The following EMX1 variants were observed in gnomAD, a reference collection of about 807,000 sequenced individuals.
EMX1 encodes homeobox protein EMX1.
Under a neutral mutation model 20.1 loss-of-function variants are expected in EMX1, and 10 were observed. The observed-to-expected ratio is 0.50, with a 90% CI of 0.31 to 0.84. The LOEUF is 0.84. Ranked by LOEUF, EMX1 falls within the 40% of genes least tolerant of loss-of-function variation. EMX1 has a pLI of 0.05. For missense variants in EMX1, 424 were observed against 431.9 expected (o/e 0.98, Z 0.16); for synonymous variants, 250 against 200.4 (o/e 1.25, Z -2.09).
chr2:72,925,690 C>CTTTA, intron 2 of EMX1: 1 of 1,172,744 alleles, frequency 8.5e-7, no homozygotes, highest in Non-Finnish European at 1.1e-6. Context: ...CGGAGCCTCC[C>CTTTA]TTTAGCAGCC....
At chr2:72,927,041 A>C (rs1671217320) in intron 2 of EMX1, among the ~76,000 whole-genome samples, 2 of 151,908 alleles carry the variant, frequency 1.3e-5, no homozygotes, top group Non-Finnish European at 2.9e-5. Flanking sequence ...AGAGCTCTCT[A>C]ATCTGTCCCA....
At chr2:72,922,268 A>G (rs1040043538) in intron 1 of EMX1, among the ~76,000 whole-genome samples, 3 of 152,180 alleles carry the variant, frequency 2.0e-5, no homozygotes, top group Non-Finnish European at 2.9e-5. Context: ...AACAAGAAGC[A>G]TTTGCTTTCC....
In EMX1 at chr2:72,918,330, C is replaced by T. The variant is rs769825388; in HGVS notation, c.478C>T (p.Pro160Ser). 15 of 1,545,778 alleles carry T rather than the reference C, an allele frequency of 9.7e-6. No individual in the cohort carries two copies. Among genetic ancestry groups the T allele is most frequent in the South Asian group, 4.7e-5 (4 of 84,426 alleles). Residue 160 changes from proline to serine, a missense_variant, in exon 1 of 3, where the codon CCC becomes TCC. Around this residue, in one of 2 missense-constraint regions of EMX1, gnomAD observed 333 missense variants for 296.6 expected, o/e 1.12. Transcript: ENST00000258106. ...GCACCGGGACCCTCTCCATTTCTACCCCTGGGTCCTGCGGAACCGCTTCTT... is the reference window on the plus strand; with the variant it reads ...GCACCGGGACCCTCTCCATTTCTACTCCTGGGTCCTGCGGAACCGCTTCTT... Reference protein sequence around the residue: ...AQHRDPLHFYPWVLRNRFFGH... With the variant: ...AQHRDPLHFYSWVLRNRFFGH...
intron 2 of EMX1, chr2:72,925,563 T>G (rs1054181762): frequency 7.5e-5 from 97 of 1,287,186 alleles, no homozygotes; most frequent in Non-Finnish European, 8.1e-5. Flanking sequence ...GTCTCCCAGC[T>G]ACCTCCCGGC....
At position 72,918,313 on chromosome 2, in the gene EMX1, A is replaced by G; in HGVS notation, c.461A>G (p.Asp154Gly). The change falls in exon 1 of 3, where the codon GAC becomes GGC. Residue 154 changes from aspartate (D) to glycine (G), a missense_variant. Coordinates refer to ENST00000258106, the MANE Select transcript of EMX1 (RefSeq NM_004097.3). ...TCCTTCTTCGGCGCCCAGCACCGGG[A>G]CCCTCTCCATTTCTACCCCTGGGTC... is the stretch of plus-strand genomic sequence containing the variant. ...PHSFFGAQHRDPLHFYPWVLR... is the reference protein window; with the variant it reads ...PHSFFGAQHRGPLHFYPWVLR... The G allele has an allele frequency of 1.3e-6, 2 of 1,567,288 alleles. No individual in the cohort carries two copies. The highest frequency in any genetic ancestry group is 1.7e-4 in the Middle Eastern group (1 of 5,966).
At chr2:72,917,116 A>G (rs1670977589), upstream of EMX1, 1 of 618,224 alleles carries the variant, frequency 1.6e-6, no homozygotes, top group African/African-American at 1.9e-5. Context: ...GTTTTCGGGA[A>G]AACCAATGTG....
At chr2:72,924,239 G>A in intron 1 of EMX1, 70 bp from the exon 2 acceptor site, 1 of 1,529,590 alleles carries the variant, frequency 6.5e-7, no homozygotes, top group South Asian at 1.2e-5. Context: ...GGCTCTGTTG[G>A]GCCCCGGCTC....
chr2:72,926,073 A>T (rs1671195601), intron 2 of EMX1: 1 of 983,592 alleles, frequency 1.0e-6, no homozygotes, highest in Non-Finnish European at 1.2e-6. Flanking sequence ...TTTATAATTA[A>T]CTTCATTTAA....
At chr2:72,920,334 G>C (rs1413592657) in intron 1 of EMX1, among the ~76,000 whole-genome samples, 1 of 152,232 alleles carries the variant, frequency 6.6e-6, no homozygotes, top group Non-Finnish European at 1.5e-5. Flanking sequence ...CAAACAGTTG[G>C]ATTTTTCCCT....
At position 72,934,192 on chromosome 2, in the gene EMX1, C is replaced by T; in HGVS notation, c.*238C>T. 1 of 535,792 alleles carries T rather than the reference C, an allele frequency of 1.9e-6. No individual in the cohort carries two copies. Among genetic ancestry groups the T allele is most frequent in the East Asian group, 3.1e-5 (1 of 31,816 alleles). The allele number at this position is 535,792 out of a possible 1,614,324, so 33.2% of individuals were successfully genotyped here. A position where few individuals can be genotyped will look rare whatever the true frequency, so the allele number is the denominator to read the frequency against. On this transcript the variant is annotated 3_prime_UTR_variant, in exon 3 of 3. Transcript: ENST00000258106. ...GAGCCTGCCTGCCTGGGCGGGCCCG[C>T]CCGCCACCGCAGCCTCCCAGCTGCT...
chr2:72,925,776 C>G (rs1671190961), intron 2 of EMX1: 8 of 985,438 alleles, frequency 8.1e-6, no homozygotes, highest in Non-Finnish European at 9.6e-6. Flanking sequence ...ACCTTACCCT[C>G]TCCTCCTTCA....
At chr2:72,932,638 G>A (rs908203285) in intron 2 of EMX1, among the ~76,000 whole-genome samples, 9 of 152,204 alleles carry the variant, frequency 5.9e-5, no homozygotes, top group Non-Finnish European at 1.0e-4. Context: ...CCTGGACACT[G>A]AACAGATGCT....
At chr2:72,918,764 C>G (rs564704917) in intron 1 of EMX1, among the ~76,000 whole-genome samples, 1 of 152,354 alleles carries the variant, frequency 6.6e-6, no homozygotes, top group Non-Finnish European at 1.5e-5. Flanking sequence ...ACGCTTCTCT[C>G]GCAAGTCCAC....
rs372502054 is a variant in EMX1, at chr2:72,924,400, G to A, written c.612G>A (p.Leu204=). ...RIRTAFSPSQ[L]LRLERAFEKN... is the part of the protein sequence containing the mutation. ...GCACGGCCTTCTCGCCCTCGCAGCT[G>A]CTGCGGCTGGAGCGCGCCTTCGAGA... The change falls in exon 2 of 3, where the codon CTG becomes CTA. Residue 204 remains leucine, a synonymous_variant. Transcript: ENST00000258106. The A allele has an allele frequency of 3.8e-6, 6 of 1,593,346 alleles. No individual in the cohort carries two copies. In the South Asian group the frequency reaches 5.6e-5, roughly 15 times the overall value.
At position 72,918,231 on chromosome 2, in the gene EMX1, G is replaced by C; in HGVS notation, c.379G>C (p.Ala127Pro). The C allele has an allele frequency of 6.3e-7, 1 of 1,580,850 alleles. No individual in the cohort carries two copies. Among genetic ancestry groups the C allele is most frequent in the Non-Finnish European group, 8.5e-7 (1 of 1,173,670 alleles). The change falls in exon 1 of 3, where the codon GCG (alanine) becomes CCG (proline). Residue 127 changes from alanine (A) to proline (P), a missense_variant. Ala to Pro is a conservative substitution (Grantham distance 27). Coordinates refer to ENST00000258106, the MANE Select transcript of EMX1 (RefSeq NM_004097.3). ...GTTCCCCGAGGCCATGAACCACCCCGCGCTGACCGTGCATCCGGCGCACCA... is the reference window on the plus strand; with the variant it reads ...GTTCCCCGAGGCCATGAACCACCCCCCGCTGACCGTGCATCCGGCGCACCA... ...LVFPEAMNHP[A>P]LTVHPAHQLG...
intron 2 of EMX1, among the ~76,000 whole-genome samples, chr2:72,931,833 T>C (rs1671290575): frequency 6.6e-6 from 1 of 152,168 alleles, no homozygotes; most frequent in South Asian, 2.1e-4. Context: ...GCTGCCCCCA[T>C]CCCCATGCCA....
In EMX1 at chr2:72,918,061, C is replaced by T. The variant is rs1030312935; in HGVS notation, c.209C>T (p.Ala70Val). 2.1e-6 allele frequency: 3 copies of T among 1,415,088 alleles called. No individual in the cohort carries two copies. The highest frequency in any genetic ancestry group is 2.7e-6 in the Non-Finnish European group (3 of 1,094,366). 87.7% of individuals were successfully genotyped at this position (1,415,088 alleles called of 1,614,324 possible). A position where few individuals can be genotyped will look rare whatever the true frequency, so the allele number is the denominator to read the frequency against. The change falls in exon 1 of 3, where the codon GCG (alanine) becomes GTG (valine). Residue 70 changes from alanine to valine, a missense_variant. Ala to Val is a moderately conservative substitution (Grantham distance 64, BLOSUM62 0). Around this residue, in one of 2 missense-constraint regions of EMX1, gnomAD observed 333 missense variants for 296.6 expected, o/e 1.12. Transcript: ENST00000258106. ...GGGGGCGCGGGCTCCCATCTCCTGGCGGCGGCCGCCTCCGAGGAACCGCTC... is the reference window on the plus strand; with the variant it reads ...GGGGGCGCGGGCTCCCATCTCCTGGTGGCGGCCGCCTCCGAGGAACCGCTC... ...GGGGAGSHLLAAAASEEPLRP... is the reference protein window; with the variant it reads ...GGGGAGSHLLVAAASEEPLRP...
Position 72,930,246 on chromosome 2 carries a change from T to C in EMX1, c.706-3541T>C, listed in dbSNP as rs900646895. Among the ~76,000 whole-genome samples, 2 of 152,174 alleles carry C rather than the reference T, an allele frequency of 1.3e-5. No individual in the cohort carries two copies. Among genetic ancestry groups the C allele is most frequent in the African/African-American group, 2.4e-5 (1 of 41,428 alleles). On this transcript the variant is annotated intron_variant, in intron 2 of 2. Coordinates refer to ENST00000258106, the MANE Select transcript of EMX1 (RefSeq NM_004097.3). This position sits in a 1 kb window ranked among gnomAD's most constrained non-coding sequence, Gnocchi z 4.4. ...ATAACAGTTTGGCTCTCCAGTCTCATAGTCTGGTGAGGAGGCAGACGTAAA... is the reference window on the plus strand; with the variant it reads ...ATAACAGTTTGGCTCTCCAGTCTCACAGTCTGGTGAGGAGGCAGACGTAAA...
In EMX1 at chr2:72,917,820, G is replaced by A; in HGVS notation, c.-33G>A. 7.0e-6 allele frequency: 9 copies of A among 1,294,202 alleles called. No homozygotes were observed. The highest frequency in any genetic ancestry group is 8.8e-6 in the Non-Finnish European group (9 of 1,025,320). 80.2% of individuals were successfully genotyped at this position (1,294,202 alleles called of 1,614,324 possible). A position where few individuals can be genotyped will look rare whatever the true frequency, so the allele number is the denominator to read the frequency against. On this transcript the variant is annotated 5_prime_UTR_variant, in exon 1 of 3. Coordinates refer to ENST00000258106, the MANE Select transcript of EMX1 (RefSeq NM_004097.3). The stretch of plus-strand genomic sequence containing the variant: ...CGCGGGGGCCGAGCGCGAGCGGGCG[G>A]GCGGGGGAGGTGAGGGGTGCGGGCG...
Sources: allele counts gnomAD v4.1 joint callset (sites outside exome capture counted in the v4.1 genomes callset), GRCh38; gene constraint gnomAD v4.1.1; regional missense constraint gnomAD v4.1.1; non-coding constraint Gnocchi (gnomAD v3.1); transcripts MANE v1.5; gene names NCBI Gene and HGNC (gene_info 2026-07-23, HGNC 2026-07-21).